CCBE1: variants seen among roughly 807,000 people sequenced by gnomAD.
CCBE1 encodes the protein collagen and calcium binding EGF domains 1, also known as collagen and calcium-binding EGF domain-containing protein 1.
CCBE1 carries 37 observed loss-of-function variants against 50.0 expected under a neutral mutation model. The ratio of observed to expected loss-of-function variants is 0.74; its 90% CI spans 0.57 to 0.97. The LOEUF (loss-of-function observed/expected upper bound fraction) is 0.97, where lower values mean the gene tolerates loss of function less well. CCBE1 is among the 50% of genes least tolerant of loss of function. The pLI, the probability that CCBE1 is intolerant of heterozygous loss-of-function variation, is 0.00. For missense variants in CCBE1, 538 were observed against 523.8 expected (o/e 1.03, Z -0.26); for synonymous variants, 234 against 203.7 (o/e 1.15, Z -1.27).
intron 2 of CCBE1, among the ~76,000 whole-genome samples, chr18:59,569,487 A>G (rs540130066): frequency 6.6e-6 from 1 of 152,340 alleles, no homozygotes; most frequent in East Asian, 1.9e-4. Context: ...CCCAATTTAC[A>G]GATAAGAAAA....
intron 2 of CCBE1, among the ~76,000 whole-genome samples, chr18:59,679,443 T>A (rs553472035): frequency 1.3e-5 from 2 of 152,192 alleles, no homozygotes; most frequent in Admixed American, 6.5e-5. Context: ...AATGCTGACA[T>A]ATGTAGTGGT....
chr18:59,664,229 C>G (rs1206289983), intron 2 of CCBE1, among the ~76,000 whole-genome samples: 1 of 152,098 alleles, frequency 6.6e-6, no homozygotes, highest in Non-Finnish European at 1.5e-5. Flanking sequence ...CCCTGATGAC[C>G]TAATCACCTC....
At chr18:59,488,402 T>C (rs771477185) in intron 2 of CCBE1, among the ~76,000 whole-genome samples, 1 of 152,204 alleles carries the variant, frequency 6.6e-6, no homozygotes, top group Non-Finnish European at 1.5e-5. Context: ...AGTAATTCAG[T>C]TGAAGTCATT....
At chr18:59,599,296 G>A (rs9960194) in intron 2 of CCBE1, among the ~76,000 whole-genome samples, 4,218 of 152,228 alleles carry the variant, frequency 0.028, 192 homozygotes, top group African/African-American at 0.097. Flanking sequence ...GCTGGATACC[G>A]TTAATTCATA....
intron 2 of CCBE1, among the ~76,000 whole-genome samples, chr18:59,658,193 T>C (rs1333617928): frequency 6.7e-6 from 1 of 149,024 alleles, no homozygotes; most frequent in Admixed American, 6.8e-5. Context: ...CATTCAATGG[T>C]ACCTGGCACA....
At chr18:59,696,749 G>A in intron 1 of CCBE1, 40 bp from the exon 2 acceptor site, 1 of 1,601,896 alleles carries the variant, frequency 6.2e-7, no homozygotes, top group Non-Finnish European at 8.5e-7. Flanking sequence ...TTCTCAGCGG[G>A]AGAGCGGAGG....
intron 2 of CCBE1, among the ~76,000 whole-genome samples, chr18:59,553,232 TCA>T (rs10580635): frequency 0.63 from 96,285 of 151,878 alleles, 30,825 homozygotes; most frequent in African/African-American, 0.68. Flanking sequence ...CCTCATTTCA[TCA>T]CAGTCATTAA....
intron 2 of CCBE1, among the ~76,000 whole-genome samples, chr18:59,551,427 T>C (rs1450180474): frequency 6.6e-6 from 1 of 152,242 alleles, no homozygotes; most frequent in Non-Finnish European, 1.5e-5. Context: ...GACATTACTG[T>C]ACAATGCTGT....
intron 2 of CCBE1, among the ~76,000 whole-genome samples, chr18:59,535,468 T>C (rs191231520): frequency 2.0e-5 from 3 of 152,250 alleles, no homozygotes; most frequent in Non-Finnish European, 4.4e-5. Context: ...ATTAGCATAA[T>C]CACCATGAAA....
intron 4 of CCBE1, among the ~76,000 whole-genome samples, chr18:59,468,496 G>A (rs1911861546): frequency 6.6e-6 from 1 of 152,292 alleles, no homozygotes; most frequent in African/African-American, 2.4e-5. Flanking sequence ...CTGCAGGAGA[G>A]GCCAGAGATC....
intron 2 of CCBE1, among the ~76,000 whole-genome samples, chr18:59,555,010 T>C (rs80306716): frequency 0.038 from 5,806 of 152,316 alleles, 172 homozygotes; most frequent in African/African-American, 0.081. Flanking sequence ...TCAGGGGACA[T>C]GATTCCTTAG....
intron 2 of CCBE1, among the ~76,000 whole-genome samples, chr18:59,488,146 A>G (rs925835415): frequency 6.6e-6 from 1 of 152,222 alleles, no homozygotes; most frequent in Non-Finnish European, 1.5e-5. Context: ...TCCAAATTCA[A>G]AGAGACAGAA....
At chr18:59,664,697 C>T (rs2054329323) in intron 2 of CCBE1, among the ~76,000 whole-genome samples, 1 of 152,138 alleles carries the variant, frequency 6.6e-6, no homozygotes, top group South Asian at 2.1e-4. Flanking sequence ...TGACTTTCAG[C>T]AACATGAGAG....
At chr18:59,502,694 G>A (rs116267261) in intron 2 of CCBE1, among the ~76,000 whole-genome samples, 225 of 150,124 alleles carry the variant, frequency 1.5e-3, no homozygotes, top group African/African-American at 5.2e-3. Flanking sequence ...CCCTCCCCCC[G>A]CAAAAAAAAA....
intron 2 of CCBE1, among the ~76,000 whole-genome samples, chr18:59,659,085 G>A (rs528929134): frequency 5.9e-5 from 9 of 152,194 alleles, no homozygotes; most frequent in Middle Eastern, 3.4e-3. Context: ...CATGCCACGC[G>A]TTCCTTTGCA....
chr18:59,672,561 A>G (rs2054447030), intron 2 of CCBE1, among the ~76,000 whole-genome samples: 1 of 152,200 alleles, frequency 6.6e-6, no homozygotes, highest in Non-Finnish European at 1.5e-5. Flanking sequence ...TTCTGCTGGC[A>G]TCCAGCACCC....
chr18:59,480,129 G>A, intron 3 of CCBE1, 57 bp downstream of exon 3: 1 of 1,064,982 alleles, frequency 9.4e-7, no homozygotes, highest in Non-Finnish European at 1.5e-6. Flanking sequence ...GAAGTTGATA[G>A]ACTTTGAATG....
chr18:59,592,887 G>T (rs1279022718), intron 2 of CCBE1, among the ~76,000 whole-genome samples: 1 of 152,000 alleles, frequency 6.6e-6, no homozygotes, highest in Non-Finnish European at 1.5e-5. Context: ...ATCTTTAACA[G>T]ACAAATTGTA....
At chr18:59,532,555 C>A (rs1199103226) in intron 2 of CCBE1, among the ~76,000 whole-genome samples, 1 of 152,216 alleles carries the variant, frequency 6.6e-6, no homozygotes, top group Admixed American at 6.5e-5. Flanking sequence ...CAGGAATTAA[C>A]ATTTACTGAG....
Sources: gnomAD v4.1 joint callset for allele counts (sites outside exome capture counted in the v4.1 genomes callset) on GRCh38, gnomAD v4.1.1 for gene constraint, MANE v1.5 for transcripts, NCBI Gene and HGNC (gene_info 2026-07-23, HGNC 2026-07-21) for gene names.